The following EPG5 variants were observed in gnomAD, a reference collection of about 807,000 sequenced individuals.
The protein encoded by EPG5 is ectopic P granules protein 5 homolog.
In EPG5, 159 loss-of-function variants were observed where a neutral mutation model predicts 302.7. The observed-to-expected ratio is 0.53, with a 90% CI of 0.46 to 0.60. EPG5 has a LOEUF of 0.60. Among genes scored for constraint, EPG5 ranks in the 20% least tolerant of loss-of-function variants. The pLI is 0.00. For missense variants in EPG5, 2,896 were observed against 3,092.4 expected (o/e 0.94, Z 1.51); for synonymous variants, 1,158 against 1,136.8 (o/e 1.02, Z -0.37).
At chr18:45,891,293 G>A (rs1265613376) in intron 27 of EPG5, among the ~76,000 whole-genome samples, 1 of 151,970 alleles carries the variant, frequency 6.6e-6, no homozygotes, top group Non-Finnish European at 1.5e-5. Flanking sequence ...GAGGTCAGGA[G>A]TTCGAGACAT....
the EPG5 span, among the ~76,000 whole-genome samples, chr18:45,823,708 G>A: frequency 6.6e-6 from 1 of 152,166 alleles, no homozygotes; most frequent in Non-Finnish European, 1.5e-5. Flanking sequence ...CCAGAAACAT[G>A]GTTCTCTCCT....
In EPG5 at chr18:45,912,448, C is replaced by T. The variant is rs771780755; in HGVS notation, c.3825G>A (p.Gln1275=). The T allele has an allele frequency of 3.1e-6, 5 of 1,591,372 alleles. No homozygotes were observed. The South Asian group carries it at 5.8e-5, about 18-fold the overall frequency. ...FTPDQALKKA[Q]TQLKLPIVPS... ...GCACGATGGGGAGCTTCAGCTGGGTCTGGGCTTTCTACAAAAAAGAAAGGG... is the reference window on the plus strand; with the variant it reads ...GCACGATGGGGAGCTTCAGCTGGGTTTGGGCTTTCTACAAAAAAGAAAGGG... Residue 1275 remains glutamine (Q), a synonymous_variant, in exon 22 of 44, where the codon CAG becomes CAA. Coordinates refer to ENST00000282041, the MANE Select transcript of EPG5 (RefSeq NM_020964.3).
chr18:45,803,759 C>T, the EPG5 span, among the ~76,000 whole-genome samples: 2 of 152,010 alleles, frequency 1.3e-5, no homozygotes, highest in Non-Finnish European at 2.9e-5. Context: ...AGGGGCCACT[C>T]AGAAAAAAAC....
chr18:45,877,327 G>A (rs1568113511), intron 34 of EPG5, among the ~76,000 whole-genome samples: 2 of 152,192 alleles, frequency 1.3e-5, no homozygotes, highest in Non-Finnish European at 1.5e-5. Context: ...GCTGAGGCAG[G>A]AGAATCGCTT....
chr18:45,964,408 A>G (rs2051206197), intron 1 of EPG5, among the ~76,000 whole-genome samples: 1 of 152,192 alleles, frequency 6.6e-6, no homozygotes, highest in African/African-American at 2.4e-5. Flanking sequence ...AGTTTCATCA[A>G]TATCTTGGGG....
At chr18:45,883,614 G>GTTTTTT (rs1174930322) in intron 30 of EPG5, among the ~76,000 whole-genome samples, 4 of 60,722 alleles carry the variant, frequency 6.6e-5, no homozygotes, top group Non-Finnish European at 6.8e-5. Context: ...CTAGCCTGGT[G>GTTTTTT]TTTTTTTTTT....
the EPG5 span, chr18:45,842,279 GCAC>G: frequency 1.4e-6 from 2 of 1,437,398 alleles, no homozygotes; most frequent in Non-Finnish European, 2.0e-6. Flanking sequence ...TGGTTCTCGG[GCAC>G]CTTGGCAGCC....
At chr18:45,888,102 T>C (rs1373801535) in intron 28 of EPG5, among the ~76,000 whole-genome samples, 195 bp from the exon 29 acceptor site, 1 of 151,976 alleles carries the variant, frequency 6.6e-6, no homozygotes, top group Non-Finnish European at 1.5e-5. Flanking sequence ...ATTTTCTTTT[T>C]TTTTTTCTTT....
In EPG5 at chr18:45,910,609, G is replaced by T; in HGVS notation, c.4117C>A (p.Pro1373Thr). ...HHAASKALRVPAEGSEGLPES... is the reference protein window; with the variant it reads ...HHAASKALRVTAEGSEGLPES... ...GGCAGCCCTTCACTGCCCTCTGCTGGAACACGGAGGGCCTTGCTTGCAGCA... is the reference window on the plus strand; with the variant it reads ...GGCAGCCCTTCACTGCCCTCTGCTGTAACACGGAGGGCCTTGCTTGCAGCA... The change falls in exon 23 of 44, where the codon CCA (proline) becomes ACA (threonine). Residue 1373 changes from proline to threonine, a missense_variant. Coordinates refer to ENST00000282041, the MANE Select transcript of EPG5 (RefSeq NM_020964.3). The T allele has an allele frequency of 6.2e-7, 1 of 1,614,094 alleles. No homozygotes were observed. The highest frequency in any genetic ancestry group is 1.1e-5 in the South Asian group (1 of 91,058).
chr18:45,867,902 T>C (rs1193220511), intron 36 of EPG5, 154 bp from the exon 37 acceptor site: 2 of 699,020 alleles, frequency 2.9e-6, no homozygotes, highest in Admixed American at 4.1e-5. Flanking sequence ...TTAGACTTAA[T>C]ATTTGTAATA....
the EPG5 span, among the ~76,000 whole-genome samples, chr18:45,836,473 C>T: frequency 6.6e-6 from 1 of 152,128 alleles, no homozygotes; most frequent in Non-Finnish European, 1.5e-5. Context: ...TGGCCTTATC[C>T]TCTGAGGCGC....
chr18:45,922,408 T>G lies in EPG5; in HGVS notation c.3031A>C (p.Lys1011Gln), dbSNP rs761245167. The G allele has an allele frequency of 2.5e-6, 4 of 1,614,166 alleles. No homozygotes were observed. The South Asian group carries it at 4.4e-5, about 18-fold the overall frequency. ...ATGGGCATGCCCGCTTTCACAGCCT[T>G]CAAGAGAGGATGAAACGTGGGTGAC... ...TESPTFHPLL[K>Q]AVKAGMPIGC... Residue 1011 changes from lysine (K) to glutamine (Q), a missense_variant, in exon 16 of 44, where the codon AAG (lysine) becomes CAG (glutamine). This residue lies in a region of EPG5 where 1,390 missense variants were observed against 1,430.0 expected (regional missense o/e 0.97). Coordinates refer to ENST00000282041, the MANE Select transcript of EPG5 (RefSeq NM_020964.3).
chr18:45,924,934 T>G (rs1456936970), intron 14 of EPG5, among the ~76,000 whole-genome samples: 1 of 152,158 alleles, frequency 6.6e-6, no homozygotes, highest in Non-Finnish European at 1.5e-5. Context: ...TTAATATGAA[T>G]GTTTACAAAT....
chr18:45,952,517 G>T lies in EPG5; in HGVS notation c.1135C>A (p.Leu379Met). The T allele has an allele frequency of 6.2e-7, 1 of 1,614,166 alleles. No individual in the cohort carries two copies. The highest frequency in any genetic ancestry group is 8.5e-7 in the Non-Finnish European group (1 of 1,180,024). ...ACAGAAGTATAAGAATGAAGGGCCA[G>T]GGTCTGGTGGAGGTGCTCAGATTTG... ...DAKSEHLHQT[L>M]ALHSYTSVLS... Residue 379 changes from leucine (L) to methionine (M), a missense_variant, in exon 3 of 44, where the codon CTG becomes ATG. By Grantham distance (15) the Leu-to-Met change is conservative. Around this residue, in one of 5 missense-constraint regions of EPG5, gnomAD observed 1,390 missense variants for 1,430.0 expected, o/e 0.97. Coordinates refer to ENST00000282041, the MANE Select transcript of EPG5 (RefSeq NM_020964.3).
At chr18:45,830,583 C>CTTTTTTTTTT in the EPG5 span, among the ~76,000 whole-genome samples, 368 of 96,736 alleles carry the variant, frequency 3.8e-3, 16 homozygotes, top group Middle Eastern at 7.0e-3. Flanking sequence ...ATTTTTCTTT[C>CTTTTTTTTTT]TTTTTTTTTT....
intron 11 of EPG5, among the ~76,000 whole-genome samples, chr18:45,931,883 A>G (rs1271866076): frequency 6.6e-6 from 1 of 151,146 alleles, no homozygotes; most frequent in Admixed American, 6.6e-5. Flanking sequence ...ATATATATAT[A>G]TATCCTTGAT....
At chr18:45,827,954 G>A in the EPG5 span, among the ~76,000 whole-genome samples, 8 of 152,190 alleles carry the variant, frequency 5.3e-5, no homozygotes, top group Admixed American at 1.3e-4. Context: ...CAAGCCACTC[G>A]CGTGAGCCGA....
At chr18:45,868,021 C>T (rs1227293699) in intron 36 of EPG5, 5 of 516,480 alleles carry the variant, frequency 9.7e-6, no homozygotes, top group Non-Finnish European at 1.9e-5. Flanking sequence ...TAACCCCAAC[C>T]TGGGTGGAGA....
At chr18:45,874,337 C>T (rs151141169) in intron 35 of EPG5, among the ~76,000 whole-genome samples, 360 of 151,300 alleles carry the variant, frequency 2.4e-3, no homozygotes, top group African/African-American at 7.7e-3. Context: ...AAATAAAGTC[C>T]GTTAAACAAA....
Sources: allele counts gnomAD v4.1 joint callset (sites outside exome capture counted in the v4.1 genomes callset), GRCh38; gene constraint gnomAD v4.1.1; regional missense constraint gnomAD v4.1.1; transcripts MANE v1.5; gene names NCBI Gene and HGNC (gene_info 2026-07-23, HGNC 2026-07-21).